The following ANKFN1 variants were observed in gnomAD, a reference collection of about 807,000 sequenced individuals.
ANKFN1 encodes the protein ankyrin repeat and fibronectin type-III domain-containing protein 1.
In ANKFN1, 74 loss-of-function variants were observed where a neutral mutation model predicts 108.7. The ratio of observed to expected loss-of-function variants is 0.68; its 90% CI spans 0.56 to 0.83. The LOEUF is 0.83. ANKFN1 is among the 40% of genes least tolerant of loss of function. The pLI, the probability that ANKFN1 is intolerant of heterozygous loss-of-function variation, is 0.00. For synonymous variants in ANKFN1, 547 were observed against 516.2 expected, an observed-to-expected ratio of 1.06 and a Z score of -0.81; for missense variants, 1,505 against 1,382.3, an observed-to-expected ratio of 1.09 and a Z score of -1.41.
rs2046846085 is a variant in ANKFN1 at position 56,372,794 on chromosome 17, G to A, written c.750G>A (p.Trp250Ter). ...AGAAGCAGCTGAAAGCTTGGGAGTG[G>A]AGGTATCGGCTCTACAGACGCATGA... ...EKEKQLKAWE[W>*]RYRLYRRMKT... is the part of the protein sequence containing the mutation. The change falls in exon 7 of 21, where the codon TGG (tryptophan) becomes TGA (stop). Residue 250 changes from tryptophan (W) to a stop codon, truncating the protein, a stop_gained. Coordinates refer to ENST00000682825, the MANE Select transcript of ANKFN1 (RefSeq NM_001370326.1). LOFTEE classifies it high-confidence loss of function. The A allele has an allele frequency of 1.9e-6, 3 of 1,614,004 alleles. No homozygotes were observed. The highest frequency in any genetic ancestry group is 2.5e-6 in the Non-Finnish European group (3 of 1,179,986).
upstream of ANKFN1, among the ~76,000 whole-genome samples, chr17:56,148,899 A>G (rs116033954): frequency 5.6e-4 from 85 of 152,350 alleles, no homozygotes; most frequent in African/African-American, 2.0e-3. Context: ...ACAATGAGGT[A>G]GCCACACATT....
intron 3 of ANKFN1, among the ~76,000 whole-genome samples, chr17:56,309,245 T>C (rs879919266): frequency 6.6e-6 from 1 of 152,196 alleles, no homozygotes; most frequent in Non-Finnish European, 1.5e-5. Context: ...TAAAAGACAG[T>C]TAAAATCATC....
At chr17:56,304,054 A>G (rs1307861268) in intron 3 of ANKFN1, among the ~76,000 whole-genome samples, 2 of 152,060 alleles carry the variant, frequency 1.3e-5, no homozygotes, top group Non-Finnish European at 2.9e-5. Flanking sequence ...ATCCAATGAT[A>G]ACAGTACCAC....
intron 3 of ANKFN1, among the ~76,000 whole-genome samples, chr17:56,283,330 C>A (rs746909360): frequency 6.6e-6 from 1 of 152,020 alleles, no homozygotes; most frequent in Non-Finnish European, 1.5e-5. Context: ...TGTAGAGATT[C>A]TTTAAAGAAG....
intron 1 of ANKFN1, among the ~76,000 whole-genome samples, chr17:56,162,542 A>T (rs1333508690): frequency 6.6e-6 from 1 of 152,092 alleles, no homozygotes; most frequent in Admixed American, 6.6e-5. Flanking sequence ...CACTTTAATG[A>T]CTTTGTTTTT....
intron 4 of ANKFN1, among the ~76,000 whole-genome samples, chr17:56,127,598 G>C (rs1208279209): frequency 6.6e-6 from 1 of 152,098 alleles, no homozygotes. Flanking sequence ...GCAGGTGTGA[G>C]CCACCGCACC....
intron 3 of ANKFN1, among the ~76,000 whole-genome samples, chr17:56,312,331 G>A (rs2045054275): frequency 6.6e-6 from 1 of 152,146 alleles, no homozygotes; most frequent in Admixed American, 6.5e-5. Flanking sequence ...CCCTGTCTGT[G>A]GCCCAGCACT....
At chr17:56,292,582 A>G (rs1209349359) in intron 3 of ANKFN1, among the ~76,000 whole-genome samples, 1 of 152,198 alleles carries the variant, frequency 6.6e-6, no homozygotes, top group Non-Finnish European at 1.5e-5. Flanking sequence ...CATTTCCTCC[A>G]TATCTTTCTT....
At chr17:56,360,324 G>A (rs1224104226) in intron 6 of ANKFN1, among the ~76,000 whole-genome samples, 1 of 152,062 alleles carries the variant, frequency 6.6e-6, no homozygotes, top group Non-Finnish European at 1.5e-5. Flanking sequence ...TTTTAATCTT[G>A]TTCATTACAT....
chr17:56,167,506 G>T (rs1910263029), intron 1 of ANKFN1, among the ~76,000 whole-genome samples: 1 of 151,972 alleles, frequency 6.6e-6, no homozygotes, highest in Non-Finnish European at 1.5e-5. Context: ...AAACTTTGGA[G>T]CCCAATTAAA....
intron 3 of ANKFN1, among the ~76,000 whole-genome samples, chr17:56,276,637 G>C (rs375727200): frequency 1.6e-4 from 24 of 152,140 alleles, no homozygotes; most frequent in East Asian, 1.2e-3. Flanking sequence ...TCTGTTGGCT[G>C]CATAAATGTC....
rs1279897011 is a variant in ANKFN1 at position 56,442,867 on chromosome 17, T to G, written c.1033T>G (p.Ser345Ala). Residue 345 changes from serine to alanine, a missense_variant, in exon 10 of 21, where the codon TCG (serine) becomes GCG (alanine). Physicochemically the swap from Ser to Ala is moderately conservative, Grantham distance 99. Coordinates refer to ENST00000682825, the MANE Select transcript of ANKFN1 (RefSeq NM_001370326.1). ...TMGQQYFVQV[S>A]AYNMKGWGPA... ...GGGCCAACAGTATTTTGTTCAAGTC[T>G]CGGCTTACAATATGAAAGGATGGGG... 6.2e-7 allele frequency: 1 copy of G among 1,613,678 alleles called. No individual in the cohort carries two copies. The highest frequency in any genetic ancestry group is 1.7e-5 in the Admixed American group (1 of 59,984).
At chr17:56,174,944 T>C (rs952811153) in intron 1 of ANKFN1, among the ~76,000 whole-genome samples, 36 of 152,208 alleles carry the variant, frequency 2.4e-4, no homozygotes, top group African/African-American at 8.4e-4. Context: ...TTTCTTTATT[T>C]TTTTATTAAG....
chr17:56,394,483 C>G (rs1246529255), intron 8 of ANKFN1, among the ~76,000 whole-genome samples: 1 of 152,210 alleles, frequency 6.6e-6, no homozygotes, highest in Admixed American at 6.5e-5. Flanking sequence ...ACACTTCCTC[C>G]TGGGGAAAAG....
At chr17:56,442,801 G>A (rs1380214510) in intron 9 of ANKFN1, 42 bp from the exon 10 acceptor site, 1 of 1,574,554 alleles carries the variant, frequency 6.4e-7, no homozygotes, top group Non-Finnish European at 8.7e-7. Context: ...GGGTAAAAAT[G>A]ATTAAATAAA....
intron 6 of ANKFN1, among the ~76,000 whole-genome samples, chr17:56,367,103 T>G (rs2046684162): frequency 6.6e-6 from 1 of 152,210 alleles, no homozygotes; most frequent in Non-Finnish European, 1.5e-5. Flanking sequence ...ATACCCATAA[T>G]AACAGAAAAG....
intron 1 of ANKFN1, among the ~76,000 whole-genome samples, chr17:56,176,461 C>A (rs143575548): frequency 6.6e-6 from 1 of 152,092 alleles, no homozygotes; most frequent in Non-Finnish European, 1.5e-5. Flanking sequence ...TGCACGGGAT[C>A]GGAGTGTTTG....
intron 4 of ANKFN1, among the ~76,000 whole-genome samples, chr17:56,080,843 G>A (rs1469063491): frequency 6.6e-6 from 1 of 152,178 alleles, no homozygotes; most frequent in African/African-American, 2.4e-5. Context: ...TCTATAGTGT[G>A]CCACCTAGTT....
chr17:56,240,988 T>C (rs537629498), intron 3 of ANKFN1, among the ~76,000 whole-genome samples: 3 of 152,278 alleles, frequency 2.0e-5, no homozygotes, highest in African/African-American at 7.2e-5. Context: ...TTTTGTAGAA[T>C]AATTTTAATT....
Sources: allele counts gnomAD v4.1 joint callset (sites outside exome capture counted in the v4.1 genomes callset), GRCh38; gene constraint gnomAD v4.1.1; transcripts MANE v1.5; gene names NCBI Gene and HGNC (gene_info 2026-07-23, HGNC 2026-07-21).